Variants in IP6K3 observed in about 807,000 individuals in gnomAD.
IP6K3 encodes the protein inositol hexakisphosphate kinase 3.
A neutral mutation model predicts 28.8 loss-of-function variants in IP6K3; 20 were observed. The ratio of observed to expected loss-of-function variants is 0.70; its 90% confidence interval spans 0.49 to 1.01. The LOEUF is 1.01. Among genes scored for constraint, IP6K3 ranks in the 50% least tolerant of loss-of-function variants. IP6K3 has a pLI of 0.00. For synonymous variants in IP6K3, 213 were observed against 221.3 expected (o/e 0.96, Z 0.33); for missense variants, 480 against 537.1 (o/e 0.89, Z 1.05).
chr6:33,751,483 C>CGTGTGTGTGTGTGTGTGTGTGT (rs762389623), upstream of IP6K3, among the ~76,000 whole-genome samples: 13 of 61,592 alleles, frequency 2.1e-4, no homozygotes, highest in African/African-American at 4.9e-4. This position sits in a 1 kb window ranked among gnomAD's most constrained non-coding sequence, Gnocchi z 4.3. Flanking sequence ...CTCTGCAGGC[C>CGTGTGTGTGTGTGTGTGTGTGT]GTGTGTGTGT....
At chr6:33,753,268 G>A in the IP6K3 span, among the ~76,000 whole-genome samples, 18 of 152,302 alleles carry the variant, frequency 1.2e-4, no homozygotes, top group Admixed American at 8.5e-4. Flanking sequence ...AAATGAGGTT[G>A]TCATACTTTC....
rs1766929439 is a variant in IP6K3 at position 33,746,825 on chromosome 6, C to G, written c.-247G>C. ...GCCCAGGAATCTTGTCTCTCAGTGC[C>G]CACCATGTACAGGCATCAGGCAATG... is the stretch of plus-strand genomic sequence containing the variant. On this transcript the variant is annotated 5_prime_UTR_variant, in exon 1 of 6. Transcript: ENST00000293756. This position sits in a 1 kb window ranked among gnomAD's most constrained non-coding sequence, Gnocchi z 6.5. The G allele has an allele frequency of 6.6e-6, 1 of 152,402 alleles. No homozygotes were observed. Among genetic ancestry groups the G allele is most frequent in the Non-Finnish European group, 1.5e-5 (1 of 68,182 alleles). 9.4% of individuals were successfully genotyped at this position (152,402 alleles called of 1,614,324 possible).
At chr6:33,753,945 A>T in the IP6K3 span, among the ~76,000 whole-genome samples, 1 of 152,014 alleles carries the variant, frequency 6.6e-6, no homozygotes, top group Non-Finnish European at 1.5e-5. Flanking sequence ...AGTAGCTGGG[A>T]CTACAGGTGC....
the IP6K3 span, among the ~76,000 whole-genome samples, chr6:33,761,973 C>A: frequency 6.6e-6 from 1 of 152,186 alleles, no homozygotes; most frequent in Non-Finnish European, 1.5e-5. Context: ...AAGATCTCAG[C>A]CCTAGCACAG....
intron 1 of IP6K3, 61 bp from the exon 2 acceptor site, chr6:33,735,716 G>T: frequency 3.2e-6 from 3 of 933,810 alleles, no homozygotes; most frequent in Non-Finnish European, 4.6e-6. Context: ...GGGCAGGGCA[G>T]CGCTTGGAAG....
At position 33,735,488 on chromosome 6, in the gene IP6K3, G is replaced by C. The variant is rs200147205; in HGVS notation, c.-12C>G. 2 of 1,600,114 alleles carry C rather than the reference G, an allele frequency of 1.2e-6. No individual in the cohort carries two copies. The highest frequency in any genetic ancestry group is 4.5e-5 in the East Asian group (2 of 44,882). The stretch of plus-strand genomic sequence containing the variant: ...TTTTGCACAACCATGGCGGCAGATG[G>C]TGGTGGTGGGGGGTCCCTGCACAGT... On this transcript the variant is annotated 5_prime_UTR_variant, in exon 2 of 6. Transcript: ENST00000293756.
chr6:33,745,281 C>T (rs535284377), intron 1 of IP6K3, among the ~76,000 whole-genome samples: 2 of 152,210 alleles, frequency 1.3e-5, no homozygotes, highest in South Asian at 2.1e-4. Context: ...AAGGAGATGC[C>T]GCTGGCCAGG....
the IP6K3 span, among the ~76,000 whole-genome samples, chr6:33,760,852 G>A: frequency 2.6e-5 from 4 of 152,010 alleles, no homozygotes; most frequent in South Asian, 2.1e-4. Context: ...AGAGCTGGCC[G>A]TTAGCCAGAG....
chr6:33,737,248 C>T lies in IP6K3; in HGVS notation c.-179-1593G>A, dbSNP rs192235477. ...GTCCTGACTTTGTCTCAGGAGAGTG[C>T]GAAGGAGACACTGCAAGGGGAGGCT... On this transcript the variant is annotated intron_variant, in intron 1 of 5. Transcript: ENST00000293756. Among the ~76,000 whole-genome samples, 29 of 152,256 alleles carry T rather than the reference C, an allele frequency of 1.9e-4. No homozygotes were observed. The East Asian group carries it at 4.1e-3, about 21-fold the overall frequency.
intron 3 of IP6K3, among the ~76,000 whole-genome samples, chr6:33,727,249 C>T (rs1181667662): frequency 3.3e-5 from 5 of 152,316 alleles, no homozygotes; most frequent in African/African-American, 9.6e-5. Context: ...TGGCCCTATC[C>T]GGAATCACAA....
At chr6:33,737,956 T>C (rs924238098) in intron 1 of IP6K3, among the ~76,000 whole-genome samples, 6 of 152,188 alleles carry the variant, frequency 3.9e-5, no homozygotes, top group Non-Finnish European at 4.4e-5. Flanking sequence ...CAGAGGAAAA[T>C]TGGCCCACAA....
At chr6:33,747,009 C>G (rs1376019659), upstream of IP6K3, 2 of 152,584 alleles carry the variant, frequency 1.3e-5, no homozygotes, top group Non-Finnish European at 2.9e-5. The surrounding 1 kb of genome is among the most constrained non-coding windows in gnomAD (Gnocchi z 5.2). Flanking sequence ...GCTGGGTGTT[C>G]TGCTGCTCTG....
At chr6:33,739,935 G>T (rs539198066) in intron 1 of IP6K3, among the ~76,000 whole-genome samples, 46 of 152,374 alleles carry the variant, frequency 3.0e-4, no homozygotes, top group African/African-American at 8.2e-4. Flanking sequence ...ACAAAGTGAA[G>T]ACACTCCTTT....
intron 1 of IP6K3, among the ~76,000 whole-genome samples, chr6:33,736,558 C>A (rs925912279): frequency 6.6e-6 from 1 of 152,178 alleles, no homozygotes; most frequent in Non-Finnish European, 1.5e-5. Flanking sequence ...GCGCCTGCCA[C>A]CACATCCGGC....
At chr6:33,750,475 C>A (rs7752348), upstream of IP6K3, among the ~76,000 whole-genome samples, 3 of 152,158 alleles carry the variant, frequency 2.0e-5, no homozygotes, top group African/African-American at 7.2e-5. This position sits in a 1 kb window ranked among gnomAD's most constrained non-coding sequence, Gnocchi z 4.3. Flanking sequence ...AAGCCCTCCC[C>A]GCCCTTTCTG....
chr6:33,724,539 G>C (rs77896143), intron 5 of IP6K3, among the ~76,000 whole-genome samples: 1 of 152,190 alleles, frequency 6.6e-6, no homozygotes, highest in Non-Finnish European at 1.5e-5. Context: ...AAAAGGAGGC[G>C]TGGAGTCTGA....
At position 33,728,148 on chromosome 6, in the gene IP6K3, C is replaced by T; in HGVS notation, c.352G>A (p.Gly118Ser). The change falls in exon 3 of 6, where the codon GGC becomes AGC. Residue 118 changes from glycine to serine, a missense_variant. Coordinates refer to ENST00000293756, the MANE Select transcript of IP6K3 (RefSeq NM_054111.5). ...CACTGGGCAAGGGTGCAGTCGCTGC[C>T]ATTGCTGCCGGTGGTCTGCTGGAGC... Reference protein sequence around the residue: ...QTLQQTTGSNGSDCTLAQWPH... With the variant: ...QTLQQTTGSNSSDCTLAQWPH... The T allele has an allele frequency of 6.2e-7, 1 of 1,611,874 alleles. No individual in the cohort carries two copies. Among genetic ancestry groups the T allele is most frequent in the Non-Finnish European group, 8.5e-7 (1 of 1,180,012 alleles).
the IP6K3 span, among the ~76,000 whole-genome samples, chr6:33,760,505 G>A: frequency 6.6e-6 from 1 of 152,196 alleles, no homozygotes; most frequent in African/African-American, 2.4e-5. Flanking sequence ...AACAGAATGG[G>A]GAGACTCAGA....
rs765976012 is a variant in IP6K3 at position 33,726,731 on chromosome 6, G to A, written c.589C>T (p.Arg197Trp). The A allele has an allele frequency of 7.0e-6, 11 of 1,579,566 alleles. No individual in the cohort carries two copies. The East Asian group carries it at 1.4e-4, about 20-fold the overall frequency. Residue 197 changes from arginine to tryptophan, a missense_variant and splice_region_variant, in exon 4 of 6, where the codon CGG (arginine) becomes TGG (tryptophan). By Grantham distance (101) the Arg-to-Trp change is moderately radical. Coordinates refer to ENST00000293756, the MANE Select transcript of IP6K3 (RefSeq NM_054111.5). ...CATGTGAGGGGGATGGCAAGGATAC[G>A]ATGCCGCTTGTTCTCTGGGTACTCG... ...CSEYPENKRH[R>W]FLLLENVVSQ... is the part of the protein sequence containing the mutation.
Sources: gnomAD v4.1 joint callset for allele counts (sites outside exome capture counted in the v4.1 genomes callset) on GRCh38, gnomAD v4.1.1 for gene constraint, Gnocchi (gnomAD v3.1) non-coding constraint, MANE v1.5 for transcripts, NCBI Gene and HGNC (gene_info 2026-07-23, HGNC 2026-07-21) for gene names.